The following MARCHF1 variants were observed in gnomAD, a reference collection of about 807,000 sequenced individuals.
MARCHF1 encodes the protein E3 ubiquitin-protein ligase MARCHF1.
MARCHF1 carries 40 observed loss-of-function variants against 54.2 expected under a neutral mutation model. That is an observed-to-expected ratio of 0.74 (90% CI 0.57 to 0.96). The LOEUF is 0.96. MARCHF1 is among the 40% of genes least tolerant of loss of function. The pLI, the probability that MARCHF1 is intolerant of heterozygous loss-of-function variation, is 0.00. For synonymous variants in MARCHF1, 236 were observed against 236.3 expected (o/e 1.00, Z 0.01); for missense variants, 586 against 656.5 (o/e 0.89, Z 1.17).
At chr4:163,661,570 C>T (rs10019115) in intron 5 of MARCHF1, among the ~76,000 whole-genome samples, 25,627 of 151,816 alleles carry the variant, frequency 0.17, 2,650 homozygotes, top group East Asian at 0.38. Context: ...TATCAGAGAA[C>T]GGGATGCAAA....
At chr4:163,914,218 A>G (rs1228473033) in intron 3 of MARCHF1, among the ~76,000 whole-genome samples, 1 of 152,172 alleles carries the variant, frequency 6.6e-6, no homozygotes, top group Non-Finnish European at 1.5e-5. Context: ...TTGGCTATCA[A>G]ACCACTGACA....
chr4:163,715,346 C>T (rs1051092521), intron 4 of MARCHF1, among the ~76,000 whole-genome samples: 2 of 152,040 alleles, frequency 1.3e-5, no homozygotes, highest in East Asian at 1.9e-4. Context: ...CCAGGGTTCA[C>T]GCCATTCATC....
intron 4 of MARCHF1, among the ~76,000 whole-genome samples, chr4:163,787,025 A>G (rs1466630684): frequency 4.6e-5 from 7 of 151,948 alleles, no homozygotes; most frequent in Non-Finnish European, 8.8e-5. Context: ...CTGAATATCC[A>G]TTTACAAAAG....
intron 5 of MARCHF1, among the ~76,000 whole-genome samples, chr4:163,626,844 TTGAA>T (rs1184697022): frequency 6.6e-6 from 1 of 152,080 alleles, no homozygotes; most frequent in Non-Finnish European, 1.5e-5. Context: ...GGGGAATTGC[TTGAA>T]CCTGGGAGGT....
In MARCHF1 at chr4:163,536,010, T is replaced by C. The variant is rs183528126; in HGVS notation, c.1340-6964A>G. ...GACAGTACCTTCCAACAAAGAATTA[T>C]TCAGTTCATAATGTCCATAGTGCTG... On this transcript the variant is annotated intron_variant, in intron 9 of 9. Coordinates refer to ENST00000514618, the MANE Select transcript of MARCHF1 (RefSeq NM_001394959.1). Among the ~76,000 whole-genome samples the C allele has an allele frequency of 1.1e-4, 17 of 152,274 alleles. No individual in the cohort carries two copies. The East Asian group carries it at 2.7e-3, about 24-fold the overall frequency.
At chr4:164,378,735 A>G (rs1731272660) in intron 1 of MARCHF1, among the ~76,000 whole-genome samples, 1 of 152,198 alleles carries the variant, frequency 6.6e-6, no homozygotes, top group Non-Finnish European at 1.5e-5. Flanking sequence ...TTTTTGAGAC[A>G]GAGTCTCACT....
intron 9 of MARCHF1, among the ~76,000 whole-genome samples, chr4:163,539,404 T>C (rs1380524939): frequency 6.6e-6 from 1 of 152,148 alleles, no homozygotes; most frequent in African/African-American, 2.4e-5. Context: ...CATATGGTTG[T>C]TAGTGTGAGT....
intron 3 of MARCHF1, among the ~76,000 whole-genome samples, chr4:163,925,608 G>T (rs1337480697): frequency 5.3e-5 from 8 of 151,684 alleles, no homozygotes; most frequent in South Asian, 2.1e-4. Context: ...CCAGTTAAAA[G>T]AAACTTAATG....
Position 163,819,274 on chromosome 4 carries a change from T to C in MARCHF1, c.111+34747A>G, listed in dbSNP as rs1748627413. Among the ~76,000 whole-genome samples, 5 of 152,130 alleles carry C rather than the reference T, an allele frequency of 3.3e-5. 1 individual carries two copies. The South Asian group carries it at 1.0e-3, about 31-fold the overall frequency. On this transcript the variant is annotated intron_variant, in intron 4 of 9. Transcript: ENST00000514618. Reference sequence around the variant, plus strand: ...TTCACTTACTTTGCTTCACTTCTTATCAAGCTGACTATCCATGGGCTTTAA... The same window carrying C: ...TTCACTTACTTTGCTTCACTTCTTACCAAGCTGACTATCCATGGGCTTTAA...
intron 3 of MARCHF1, among the ~76,000 whole-genome samples, chr4:163,980,984 C>A (rs1752751109): frequency 6.6e-6 from 1 of 152,142 alleles, no homozygotes; most frequent in South Asian, 2.1e-4. Context: ...TAGAAATCAA[C>A]CTATTTAGGT....
intron 8 of MARCHF1, among the ~76,000 whole-genome samples, chr4:163,566,986 T>C (rs1579069302): frequency 6.6e-6 from 1 of 152,280 alleles, no homozygotes; most frequent in South Asian, 2.1e-4. Flanking sequence ...ACACCTTGCA[T>C]GCAAACTCTT....
At chr4:163,657,482 G>A (rs114841231) in intron 5 of MARCHF1, among the ~76,000 whole-genome samples, 1,655 of 152,014 alleles carry the variant, frequency 0.011, 32 homozygotes, top group African/African-American at 0.035. Context: ...TGGCCATATC[G>A]CCCCAAGTAA....
chr4:164,369,237 G>A (rs1578906112), intron 1 of MARCHF1, among the ~76,000 whole-genome samples: 1 of 152,308 alleles, frequency 6.6e-6, no homozygotes, highest in East Asian at 1.9e-4. Context: ...CTTGAAGGGG[G>A]ACTGGGTGGT....
intron 2 of MARCHF1, among the ~76,000 whole-genome samples, chr4:164,017,180 ATAGGATATT>A (rs1362457647): frequency 6.6e-6 from 1 of 152,064 alleles, no homozygotes; most frequent in Non-Finnish European, 1.5e-5. Context: ...TCAACTTGAT[ATAGGATATT>A]TAGGATATTT....
chr4:163,568,233 A>G (rs1179315569), intron 8 of MARCHF1, among the ~76,000 whole-genome samples: 3 of 152,188 alleles, frequency 2.0e-5, no homozygotes, highest in Admixed American at 2.0e-4. Context: ...ACTCTAGAGC[A>G]GTGCTTTTGA....
At chr4:163,781,480 A>T (rs977704502) in intron 4 of MARCHF1, among the ~76,000 whole-genome samples, 1 of 152,222 alleles carries the variant, frequency 6.6e-6, no homozygotes, top group Non-Finnish European at 1.5e-5. Flanking sequence ...ATCACTCTTG[A>T]TAAGTGACAT....
chr4:163,961,465 A>G (rs1279117521), intron 3 of MARCHF1, among the ~76,000 whole-genome samples: 2 of 151,992 alleles, frequency 1.3e-5, no homozygotes, highest in African/African-American at 4.8e-5. Flanking sequence ...TGAATTTTAA[A>G]AAGAATTAAT....
chr4:163,639,248 G>A (rs1358598026), intron 5 of MARCHF1, among the ~76,000 whole-genome samples: 1 of 152,130 alleles, frequency 6.6e-6, no homozygotes, highest in Admixed American at 6.6e-5. Flanking sequence ...TGAGTACATA[G>A]CTGAAACCAT....
At chr4:164,104,853 A>G (rs199705433) in intron 2 of MARCHF1, among the ~76,000 whole-genome samples, 3,064 of 36,482 alleles carry the variant, frequency 0.084, 105 homozygotes, top group Middle Eastern at 0.14. Context: ...ACATGATTGT[A>G]TATCTAGAAA....
Sources: allele counts gnomAD v4.1 joint callset (sites outside exome capture counted in the v4.1 genomes callset), GRCh38; gene constraint gnomAD v4.1.1; transcripts MANE v1.5; gene names NCBI Gene and HGNC (gene_info 2026-07-23, HGNC 2026-07-21).